Variants in FUNDC1 observed in about 807,000 individuals in gnomAD.
FUNDC1 encodes the protein FUN14 domain-containing protein 1.
FUNDC1 carries 10 observed loss-of-function variants against 14.5 expected under a neutral mutation model. The observed-to-expected ratio is 0.69, with a 90% CI of 0.43 to 1.17. The LOEUF is 1.17. FUNDC1 is among the 50% of genes most tolerant of loss of function. The pLI is 0.00. For missense variants in FUNDC1, 115 were observed against 113.8 expected (o/e 1.01, Z -0.05); for synonymous variants, 33 against 39.7 (o/e 0.83, Z 0.64).
At chrX:44,532,285 C>T (rs866482789) in intron 3 of FUNDC1, among the ~76,000 whole-genome samples, 6 of 106,619 alleles carry the variant, frequency 5.6e-5, no homozygotes, top group South Asian at 4.3e-4. Flanking sequence ...TGCAGCTACT[C>T]GGGAGGCTAA....
In FUNDC1 at chrX:44,542,098, T is replaced by A. The variant is rs186858785; in HGVS notation, c.32A>T (p.Tyr11Phe). The A allele has an allele frequency of 1.7e-6, 2 of 1,190,803 alleles. No individual in the cohort carries two copies. The highest frequency in any genetic ancestry group is 2.3e-6 in the Non-Finnish European group (2 of 881,216). ...TTCATAAGAGTCGTCATCACTTTCA[T>A]AGTCTTCAAAATAGCAAAATGCAAA... Reference protein sequence around the residue: MATRNPPPQDYESDDDSYEVL... With the variant: MATRNPPPQDFESDDDSYEVL... The change falls in exon 2 of 5, where the codon TAT (tyrosine) becomes TTT (phenylalanine). Residue 11 changes from tyrosine to phenylalanine, a missense_variant. Transcript: ENST00000378045.
chrX:44,528,858 G>A (rs1212733364), intron 3 of FUNDC1, among the ~76,000 whole-genome samples: 2 of 111,074 alleles, frequency 1.8e-5, no homozygotes, highest in Admixed American at 9.6e-5. Context: ...CACCACGCCC[G>A]GCTGATTTTT....
chrX:44,537,165 G>A (rs12392170), intron 3 of FUNDC1, among the ~76,000 whole-genome samples: 37 of 111,913 alleles, frequency 3.3e-4, no homozygotes, highest in African/African-American at 1.0e-3. Context: ...TACTAAATGC[G>A]GAAAAGTGGG....
At chrX:44,536,305 C>T (rs1389440596) in intron 3 of FUNDC1, among the ~76,000 whole-genome samples, 2 of 94,940 alleles carry the variant, frequency 2.1e-5, no homozygotes, top group African/African-American at 7.9e-5. Context: ...GGCGACAGAG[C>T]GAGACTCTGT....
chrX:44,535,627 AC>A (rs200929537), intron 3 of FUNDC1, among the ~76,000 whole-genome samples: 1,111 of 91,467 alleles, frequency 0.012, 26 homozygotes, highest in African/African-American at 0.045. Flanking sequence ...CTGAGATCGC[AC>A]CACTGCACTC....
At chrX:44,533,643 A>C (rs1219042115) in intron 3 of FUNDC1, among the ~76,000 whole-genome samples, 2 of 106,098 alleles carry the variant, frequency 1.9e-5, no homozygotes, top group African/African-American at 7.0e-5. Context: ...AAAAAAAAAA[A>C]AAAAAACAAC....
intron 3 of FUNDC1, among the ~76,000 whole-genome samples, chrX:44,527,664 G>T (rs1352910019): frequency 8.9e-6 from 1 of 111,827 alleles, no homozygotes; most frequent in Non-Finnish European, 1.9e-5. Context: ...TTTAGTACAT[G>T]ATGGGAAAAT....
At chrX:44,538,191 C>T (rs1230730984) in intron 3 of FUNDC1, among the ~76,000 whole-genome samples, 4 of 112,058 alleles carry the variant, frequency 3.6e-5, no homozygotes, top group Non-Finnish European at 1.9e-5. Context: ...ACCATGTTGG[C>T]CAGGCTGGTC....
chrX:44,533,417 C>T (rs888333837), intron 3 of FUNDC1, among the ~76,000 whole-genome samples: 1 of 109,230 alleles, frequency 9.2e-6, no homozygotes, highest in African/African-American at 3.3e-5. Context: ...ATCATGAGGT[C>T]AGGAGATCGA....
intron 3 of FUNDC1, among the ~76,000 whole-genome samples, chrX:44,537,961 A>G (rs1041173605): frequency 8.9e-6 from 1 of 112,646 alleles, no homozygotes; most frequent in Non-Finnish European, 1.9e-5. Flanking sequence ...TGCCTCAGAT[A>G]TAAGATTATG....
At chrX:44,534,007 G>A (rs991645499) in intron 3 of FUNDC1, among the ~76,000 whole-genome samples, 1 of 108,797 alleles carries the variant, frequency 9.2e-6, no homozygotes, top group African/African-American at 3.3e-5. Context: ...CAAGGCTGCA[G>A]TGAGCCAAGA....
chrX:44,531,478 C>T (rs990952822), intron 3 of FUNDC1, among the ~76,000 whole-genome samples: 3 of 108,734 alleles, frequency 2.8e-5, no homozygotes, highest in African/African-American at 6.7e-5. Flanking sequence ...TGTTTCACTG[C>T]GGGAAATTCT....
rs767413681 is a variant in FUNDC1, at chrX:44,523,982, G to C, written c.*216C>G. 2 of 349,725 alleles carry C rather than the reference G, an allele frequency of 5.7e-6. No homozygotes were observed. Among genetic ancestry groups the C allele is most frequent in the Non-Finnish European group, 1.0e-5 (2 of 200,030 alleles). The allele number at this position is 349,725 out of a possible 1,213,427, so 28.8% of individuals were successfully genotyped here. A position where few individuals can be genotyped will look rare whatever the true frequency, so the allele number is the denominator to read the frequency against. ...GCGATGAAAGCCACGTTTTGCTCAGGAATACTACGGTTCACATACCATATA... is the reference window on the plus strand; with the variant it reads ...GCGATGAAAGCCACGTTTTGCTCAGCAATACTACGGTTCACATACCATATA... On this transcript the variant is annotated 3_prime_UTR_variant, in exon 5 of 5. Coordinates refer to ENST00000378045, the MANE Select transcript of FUNDC1 (RefSeq NM_173794.4).
intron 4 of FUNDC1, among the ~76,000 whole-genome samples, chrX:44,524,511 T>C (rs899493171): frequency 1.8e-5 from 2 of 110,664 alleles, no homozygotes; most frequent in Non-Finnish European, 3.8e-5. Context: ...CTGGAAATAG[T>C]GGTAATGATT....
chrX:44,536,672 T>C (rs1243546689), intron 3 of FUNDC1, among the ~76,000 whole-genome samples: 1 of 111,388 alleles, frequency 9.0e-6, no homozygotes, highest in Non-Finnish European at 1.9e-5. Context: ...TTAACTTGTT[T>C]AGGGAAAAAG....
rs753681405 is a variant in FUNDC1 at position 44,529,832 on chromosome X, A to AC, written c.262-2468_262-2467insG. ...GAAAAATGAAAAACCTTGAGATGCT[A>AC]AAGATATTAATGCCTTAAAAAAGAG... On this transcript the variant is annotated intron_variant, in intron 3 of 4. Transcript: ENST00000378045. 3.8e-3 allele frequency among the ~76,000 whole-genome samples: 429 copies of AC among 111,913 alleles called. 1 individual carries two copies. Among genetic ancestry groups the AC allele is most frequent in the African/African-American group, 0.013 (410 of 30,830 alleles).
At chrX:44,535,538 C>T (rs779373101) in intron 3 of FUNDC1, among the ~76,000 whole-genome samples, 6 of 107,004 alleles carry the variant, frequency 5.6e-5, no homozygotes, top group Middle Eastern at 4.8e-3. Flanking sequence ...GGCTTGGTGG[C>T]GGGCGCCTGT....
intron 3 of FUNDC1, among the ~76,000 whole-genome samples, chrX:44,537,280 C>A (rs2038952888): frequency 8.9e-6 from 1 of 111,897 alleles, no homozygotes; most frequent in Non-Finnish European, 1.9e-5. Context: ...ACACTTCTCT[C>A]CATTCTGTGA....
chrX:44,531,874 C>A (rs2038927338), intron 3 of FUNDC1, among the ~76,000 whole-genome samples: 1 of 109,210 alleles, frequency 9.2e-6, no homozygotes, highest in Non-Finnish European at 1.9e-5. Flanking sequence ...CTCTTAATGG[C>A]CAAAGCTGGT....
Sources: gnomAD v4.1 joint callset for allele counts (sites outside exome capture counted in the v4.1 genomes callset) on GRCh38, gnomAD v4.1.1 for gene constraint, MANE v1.5 for transcripts, NCBI Gene and HGNC (gene_info 2026-07-23, HGNC 2026-07-21) for gene names.